The following LRRC37A2 variants were observed in gnomAD, a reference collection of about 807,000 sequenced individuals.
LRRC37A2 encodes leucine-rich repeat-containing protein 37A2.
LRRC37A2 carries 9 observed loss-of-function variants against 68.8 expected under a neutral mutation model. That is an observed-to-expected ratio of 0.13 (90% CI 0.08 to 0.23). LRRC37A2 has a LOEUF of 0.23. LRRC37A2 is among the 10% of genes least tolerant of loss of function. The pLI is 1.00. For synonymous variants in LRRC37A2, 63 were observed against 367.6 expected, an observed-to-expected ratio of 0.17 and a Z score of 9.48; for missense variants, 168 against 950.4, an observed-to-expected ratio of 0.18 and a Z score of 10.82.
the LRRC37A2 span, among the ~76,000 whole-genome samples, chr17:46,984,646 G>A: frequency 6.6e-6 from 1 of 152,164 alleles, no homozygotes; most frequent in Non-Finnish European, 1.5e-5. Context: ...GCATGCCTGA[G>A]CCATCCAGAG....
chr17:46,774,024 C>T, the LRRC37A2 span: 9 of 1,438,512 alleles, frequency 6.3e-6, no homozygotes, highest in African/African-American at 1.4e-5. Context: ...GGGCCTGTGC[C>T]CTGGCACCTG....
the LRRC37A2 span, among the ~76,000 whole-genome samples, chr17:46,787,200 C>T: frequency 2.6e-5 from 4 of 151,822 alleles, no homozygotes; most frequent in Non-Finnish European, 4.4e-5. Context: ...CTCAGCCTCC[C>T]CAAGTGCTGG....
the LRRC37A2 span, among the ~76,000 whole-genome samples, chr17:46,816,844 G>C: frequency 6.6e-6 from 1 of 152,158 alleles, no homozygotes; most frequent in Non-Finnish European, 1.5e-5. Flanking sequence ...GGCGAAAAAC[G>C]GCATGGCCTT....
the LRRC37A2 span, chr17:46,876,857 A>T: frequency 7.1e-7 from 1 of 1,410,042 alleles, no homozygotes; most frequent in African/African-American, 1.4e-5. Context: ...CGAGTGTGCC[A>T]CTCACCACCA....
At chr17:46,841,885 C>T in the LRRC37A2 span, among the ~76,000 whole-genome samples, 5 of 152,234 alleles carry the variant, frequency 3.3e-5, no homozygotes, top group Non-Finnish European at 7.3e-5. Flanking sequence ...TTCTTGCGCT[C>T]CTCTGCGGTG....
At chr17:46,720,619 C>CA in the LRRC37A2 span, among the ~76,000 whole-genome samples, 1 of 152,284 alleles carries the variant, frequency 6.6e-6, no homozygotes, top group Admixed American at 6.5e-5. Flanking sequence ...TGAATTTGCT[C>CA]ATTTACGTTT....
the LRRC37A2 span, chr17:46,769,696 G>A: frequency 6.4e-7 from 1 of 1,559,312 alleles, no homozygotes; most frequent in South Asian, 1.1e-5. Flanking sequence ...AGGGCTGCCG[G>A]AAGGGGTGAG....
At chr17:46,959,130 CA>C in the LRRC37A2 span, among the ~76,000 whole-genome samples, 1 of 152,080 alleles carries the variant, frequency 6.6e-6, no homozygotes, top group Non-Finnish European at 1.5e-5. Flanking sequence ...TGTGGCTAGG[CA>C]GCGATACTGA....
the LRRC37A2 span, among the ~76,000 whole-genome samples, chr17:46,789,406 C>T: frequency 6.6e-6 from 1 of 152,192 alleles, no homozygotes; most frequent in African/African-American, 2.4e-5. Context: ...CACCCAGGCT[C>T]CAACACCAGC....
At chr17:46,922,164 T>C in the LRRC37A2 span, among the ~76,000 whole-genome samples, 2 of 152,166 alleles carry the variant, frequency 1.3e-5, no homozygotes, top group African/African-American at 2.4e-5. Flanking sequence ...TAAAAAATGA[T>C]GAGTTCATGT....
At chr17:46,788,066 G>A in the LRRC37A2 span, among the ~76,000 whole-genome samples, 1 of 152,058 alleles carries the variant, frequency 6.6e-6, no homozygotes, top group Non-Finnish European at 1.5e-5. Flanking sequence ...GGACTTCAAG[G>A]AATAGGTGTG....
the LRRC37A2 span, among the ~76,000 whole-genome samples, chr17:46,906,055 C>T: frequency 2.6e-5 from 4 of 152,120 alleles, no homozygotes; most frequent in African/African-American, 9.7e-5. Context: ...TTGTGCTGAC[C>T]GCTGGGTGGT....
At chr17:46,707,103 G>A in the LRRC37A2 span, among the ~76,000 whole-genome samples, 7 of 152,140 alleles carry the variant, frequency 4.6e-5, no homozygotes, top group South Asian at 6.2e-4. Flanking sequence ...TGCCTGCCTC[G>A]GCTTTCCAAA....
the LRRC37A2 span, among the ~76,000 whole-genome samples, chr17:46,765,585 G>A: frequency 6.6e-6 from 1 of 152,168 alleles, no homozygotes; most frequent in Admixed American, 6.5e-5. Context: ...GGGAAGACAA[G>A]AGAACAGCTA....
the LRRC37A2 span, among the ~76,000 whole-genome samples, chr17:46,595,781 C>T: frequency 7.5e-6 from 1 of 133,672 alleles, no homozygotes; most frequent in African/African-American, 3.2e-5. Flanking sequence ...TGAGCCACCG[C>T]GACTGACCTC....
the LRRC37A2 span, among the ~76,000 whole-genome samples, chr17:46,882,259 T>C: frequency 6.6e-6 from 1 of 152,258 alleles, no homozygotes; most frequent in African/African-American, 2.4e-5. Flanking sequence ...CAGCTCCCTG[T>C]AATCTAGAAC....
At chr17:47,005,598 A>C in the LRRC37A2 span, 1 of 152,212 alleles carries the variant, frequency 6.6e-6, no homozygotes, top group Non-Finnish European at 1.5e-5. Flanking sequence ...TAAAACAAGC[A>C]AAACCTCATG....
chr17:46,926,331 T>C, the LRRC37A2 span, among the ~76,000 whole-genome samples: 1 of 152,116 alleles, frequency 6.6e-6, no homozygotes, highest in Non-Finnish European at 1.5e-5. Context: ...ATGTTCATCA[T>C]GGTCAGAGGC....
the LRRC37A2 span, among the ~76,000 whole-genome samples, chr17:47,020,883 G>A: frequency 6.6e-6 from 1 of 151,390 alleles, no homozygotes; most frequent in Admixed American, 6.6e-5. Flanking sequence ...CAGACCATTG[G>A]TGCTAGAATT....
Sources: gnomAD v4.1 joint callset for allele counts (sites outside exome capture counted in the v4.1 genomes callset) on GRCh38, gnomAD v4.1.1 for gene constraint, MANE v1.5 for transcripts, NCBI Gene and HGNC (gene_info 2026-07-23, HGNC 2026-07-21) for gene names.